The following HTRA4 variants were observed in gnomAD, a reference collection of about 807,000 sequenced individuals.
The protein encoded by HTRA4 is HtrA serine peptidase 4, also known as serine protease HTRA4.
HTRA4 carries 46 observed loss-of-function variants against 49.1 expected under a neutral mutation model. The ratio of observed to expected loss-of-function variants is 0.94; its 90% CI spans 0.74 to 1.20. The LOEUF (loss-of-function observed/expected upper bound fraction) is 1.20, where lower values mean the gene tolerates loss of function less well. Among genes scored for constraint, HTRA4 ranks in the 50% most tolerant of loss-of-function variants. The pLI is 0.00. For synonymous variants in HTRA4, 261 were observed against 264.0 expected, an observed-to-expected ratio of 0.99 and a Z score of 0.11; for missense variants, 602 against 636.9, an observed-to-expected ratio of 0.95 and a Z score of 0.59.
intron 1 of HTRA4, 26 bp downstream of exon 1, chr8:38,974,755 G>A: frequency 7.1e-7 from 1 of 1,410,860 alleles, no homozygotes; most frequent in Non-Finnish European, 9.2e-7. Context: ...GCGCGCCCTC[G>A]GAACACTTTC....
rs772016067 is a variant in HTRA4 at position 38,974,511 on chromosome 8, C to A, written c.248C>A (p.Ala83Glu). The change falls in exon 1 of 9, where the codon GCG becomes GAG. Residue 83 changes from alanine (A) to glutamate (E), a missense_variant. By Grantham distance (107) the Ala-to-Glu change is moderately radical (BLOSUM62 -1). Transcript: ENST00000302495. ...PAAEREVCGGAQGQPCAPGLQ... is the reference protein window; with the variant it reads ...PAAEREVCGGEQGQPCAPGLQ... ...GCCGAGCGTGAAGTCTGCGGCGGGG[C>A]GCAGGGCCAACCGTGCGCCCCGGGG... 8 of 1,472,264 alleles carry A rather than the reference C, an allele frequency of 5.4e-6. No individual in the cohort carries two copies. The South Asian group carries it at 1.1e-4, about 20-fold the overall frequency. 91.2% of individuals were successfully genotyped at this position (1,472,264 alleles called of 1,614,324 possible). A position where few individuals can be genotyped will look rare whatever the true frequency, so the allele number is the denominator to read the frequency against.
chr8:38,982,044 C>T (rs1031472242), intron 6 of HTRA4, among the ~76,000 whole-genome samples: 16 of 152,062 alleles, frequency 1.1e-4, no homozygotes, highest in African/African-American at 3.9e-4. Flanking sequence ...GACGGGGTTT[C>T]ACTATGTTGG....
At chr8:38,984,696 C>A (rs1178562295) in intron 8 of HTRA4, among the ~76,000 whole-genome samples, 1 of 152,084 alleles carries the variant, frequency 6.6e-6, no homozygotes, top group South Asian at 2.1e-4. Context: ...TTGCAGTGAG[C>A]TGGGATCACG....
At chr8:38,975,676 T>C (rs113728331) in intron 2 of HTRA4, among the ~76,000 whole-genome samples, 44 of 152,352 alleles carry the variant, frequency 2.9e-4, no homozygotes, top group African/African-American at 1.1e-3. Context: ...CCCGACGTGC[T>C]GGGATTACGG....
chr8:38,978,255 G>A (rs1217012280), intron 4 of HTRA4, 108 bp downstream of exon 4: 10 of 899,916 alleles, frequency 1.1e-5, no homozygotes, highest in Non-Finnish European at 1.6e-5. Context: ...ATGGGCGAGT[G>A]AGAATGACTG....
intron 8 of HTRA4, among the ~76,000 whole-genome samples, chr8:38,984,618 G>A (rs1200083456): frequency 1.3e-5 from 2 of 151,600 alleles, no homozygotes; most frequent in East Asian, 2.0e-4. Flanking sequence ...GTGTGGTGTC[G>A]CATGCCTGTA....
At position 38,974,292 on chromosome 8, in the gene HTRA4, G is replaced by T. The variant is rs759424979; in HGVS notation, c.29G>T (p.Gly10Val). 2 of 1,612,464 alleles carry T rather than the reference G, an allele frequency of 1.2e-6. No individual in the cohort carries two copies. The change falls in exon 1 of 9, where the codon GGG (glycine) becomes GTG (valine). Residue 10 changes from glycine to valine, a missense_variant. Physicochemically the swap from Gly to Val is moderately radical, Grantham distance 109 (BLOSUM62 -3). Transcript: ENST00000302495. MIRPQLRTA[G>V]LGRCLLPGLL... ...ATTAGACCTCAGCTGCGGACCGCGGGGCTGGGACGATGCCTCCTGCCGGGG... is the reference window on the plus strand; with the variant it reads ...ATTAGACCTCAGCTGCGGACCGCGGTGCTGGGACGATGCCTCCTGCCGGGG...
intron 8 of HTRA4, among the ~76,000 whole-genome samples, chr8:38,986,605 C>T (rs1459051176): frequency 4.6e-5 from 7 of 152,190 alleles, no homozygotes; most frequent in Non-Finnish European, 1.0e-4. Context: ...GTGCTCCCAA[C>T]ATTTTATGAT....
chr8:38,981,077 T>TTTG (rs1835415060), intron 5 of HTRA4, among the ~76,000 whole-genome samples: 1 of 105,168 alleles, frequency 9.5e-6, no homozygotes, highest in African/African-American at 4.5e-5. Flanking sequence ...TTTTTTTTTT[T>TTTG]TTTTTTTTTT....
chr8:38,974,321 C>T lies in HTRA4; in HGVS notation c.58C>T (p.Leu20=). The change falls in exon 1 of 9, where the codon CTG becomes TTG. Residue 20 remains leucine (L), a synonymous_variant. Coordinates refer to ENST00000302495, the MANE Select transcript of HTRA4 (RefSeq NM_153692.4). ...GLGRCLLPGL[L]LLLVPVLWAG... ...GGGACGATGCCTCCTGCCGGGGCTG[C>T]TGCTGCTCCTGGTGCCCGTCCTCTG... 1.9e-6 allele frequency: 3 copies of T among 1,612,930 alleles called. No homozygotes were observed. The South Asian group carries it at 3.3e-5, about 18-fold the overall frequency.
rs375755476 is a variant in HTRA4, at chr8:38,979,147, A to G, written c.967-68A>G. On this transcript the variant is annotated intron_variant, in intron 4 of 8. Transcript: ENST00000302495. ...CTTTTGGTAAACTGTTTTGGGAGCT[A>G]TGTGTAAAGGACAAGGGGGAATGTA... 129 of 1,376,408 alleles carry G rather than the reference A, an allele frequency of 9.4e-5. No homozygotes were observed. The African/African-American group carries it at 1.6e-3, about 18-fold the overall frequency. 85.3% of individuals were successfully genotyped at this position (1,376,408 alleles called of 1,614,324 possible). A position where few individuals can be genotyped will look rare whatever the true frequency, so the allele number is the denominator to read the frequency against.
At chr8:38,975,763 C>A (rs1012394068) in intron 2 of HTRA4, among the ~76,000 whole-genome samples, 3 of 152,160 alleles carry the variant, frequency 2.0e-5, no homozygotes, top group African/African-American at 7.2e-5. Context: ...ACAAGGAAAT[C>A]CAGACCCAGA....
chr8:38,974,892 G>T, intron 1 of HTRA4, 139 bp from the exon 2 acceptor site: 2 of 1,210,340 alleles, frequency 1.7e-6, no homozygotes, highest in Non-Finnish European at 1.2e-6. Flanking sequence ...CTCCTTAACA[G>T]GGGCTCTTTA....
chr8:38,988,049 G>A lies in HTRA4; in HGVS notation c.1382G>A (p.Arg461Gln), dbSNP rs769279631. 26 of 1,610,954 alleles carry A rather than the reference G, an allele frequency of 1.6e-5. No homozygotes were observed. The highest frequency in any genetic ancestry group is 8.4e-5 in the Admixed American group (5 of 59,548). Residue 461 changes from arginine to glutamine, a missense_variant, in exon 9 of 9, where the codon CGG becomes CAG. Coordinates refer to ENST00000302495, the MANE Select transcript of HTRA4 (RefSeq NM_153692.4). ...GATTCCCTTTCCATGGCTGTTCTTC[G>A]GGGAAAAGATAATTTGCTCCTGACA... ...DSDSLSMAVL[R>Q]GKDNLLLTVI...
At position 38,976,672 on chromosome 8, in the gene HTRA4, GT is replaced by G; in HGVS notation, c.706del (p.Tyr236MetfsTer16). 6.2e-7 allele frequency: 1 copy of G among 1,614,200 alleles called. No individual in the cohort carries two copies. The highest frequency in any genetic ancestry group is 1.6e-4 in the Middle Eastern group (1 of 6,062). On this transcript the variant is annotated frameshift_variant, in exon 3 of 9. Coordinates refer to ENST00000302495, the MANE Select transcript of HTRA4 (RefSeq NM_153692.4). LOFTEE classifies it high-confidence loss of function. ...GAGGTGGTGCTCCAGAATGGGGCCCGTTATGAAGCTGTTGTCAAGGATATTG... is the reference window on the plus strand; with the variant it reads ...GAGGTGGTGCTCCAGAATGGGGCCCGTATGAAGCTGTTGTCAAGGATATTG... ...WIEVVLQNGA[R>X]YEAVVKDIDL...
intron 3 of HTRA4, 21 bp from the exon 4 acceptor site, chr8:38,977,932 T>A: frequency 3.1e-6 from 5 of 1,610,540 alleles, no homozygotes; most frequent in Non-Finnish European, 4.2e-6. Flanking sequence ...GTCCTCCCCA[T>A]CCCTTTTTGG....
chr8:38,987,296 T>C (rs1835493746), intron 8 of HTRA4, among the ~76,000 whole-genome samples: 2 of 152,218 alleles, frequency 1.3e-5, no homozygotes, highest in Admixed American at 1.3e-4. Context: ...CTAGAATATA[T>C]ACTCTATGTG....
intron 8 of HTRA4, among the ~76,000 whole-genome samples, chr8:38,985,151 T>C (rs7835248): frequency 0.033 from 4,938 of 148,588 alleles, 265 homozygotes; most frequent in African/African-American, 0.11. Flanking sequence ...TGGGCTTTTC[T>C]GTTGTACTTC....
chr8:38,976,855 T>G, intron 3 of HTRA4, 116 bp downstream of exon 3: 1 of 978,076 alleles, frequency 1.0e-6, no homozygotes, highest in South Asian at 1.6e-5. Context: ...ATATATGCTT[T>G]TCTCTGGTTT....
Sources: allele counts gnomAD v4.1 joint callset (sites outside exome capture counted in the v4.1 genomes callset), GRCh38; gene constraint gnomAD v4.1.1; transcripts MANE v1.5; gene names NCBI Gene and HGNC (gene_info 2026-07-23, HGNC 2026-07-21).